The following ANO2 variants were observed in gnomAD, a reference collection of about 807,000 sequenced individuals.
The protein encoded by ANO2 is anoctamin 2, also known as anoctamin-2.
Under a neutral mutation model 124.2 loss-of-function variants are expected in ANO2, and 101 were observed. That is an observed-to-expected ratio of 0.81 (90% CI 0.69 to 0.96). The LOEUF is 0.96. Ranked by LOEUF, ANO2 falls within the 40% of genes least tolerant of loss-of-function variation. The probability of loss-of-function intolerance (pLI) is 0.00; values close to 1 mark genes in which losing one functional copy is unlikely to be tolerated. For synonymous variants in ANO2, 486 were observed against 482.5 expected, an observed-to-expected ratio of 1.01 and a Z score of -0.09; for missense variants, 1,293 against 1,274.5, an observed-to-expected ratio of 1.01 and a Z score of -0.22.
At chr12:5,743,145 G>C (rs75833270) in intron 12 of ANO2, among the ~76,000 whole-genome samples, 1 of 152,034 alleles carries the variant, frequency 6.6e-6, no homozygotes, top group Admixed American at 6.6e-5. Flanking sequence ...AAGAACCACC[G>C]AGAACAGGCC....
chr12:5,759,385 A>G (rs763297479), intron 10 of ANO2, among the ~76,000 whole-genome samples: 2 of 152,052 alleles, frequency 1.3e-5, no homozygotes, highest in African/African-American at 4.8e-5. Context: ...GGCAGAAACT[A>G]TGCAAGCCAA....
intron 20 of ANO2, among the ~76,000 whole-genome samples, chr12:5,595,297 C>A (rs945579253): frequency 2.6e-5 from 4 of 152,134 alleles, no homozygotes; most frequent in Non-Finnish European, 4.4e-5. Flanking sequence ...GACTCCTGGG[C>A]TCAAGCAATC....
In ANO2 at chr12:5,787,284, C is replaced by T. The variant is rs1448425637; in HGVS notation, c.1055+12223G>A. Among the ~76,000 whole-genome samples the T allele has an allele frequency of 6.6e-6, 1 of 152,188 alleles. No homozygotes were observed. Among genetic ancestry groups the T allele is most frequent in the Admixed American group, 6.5e-5 (1 of 15,292 alleles). On this transcript the variant is annotated intron_variant, in intron 10 of 24. Transcript: ENST00000682330. The surrounding 1 kb of genome is among the most constrained non-coding windows in gnomAD (Gnocchi z 4.2). ...TGCCAGCACCACCCACACACAGGCA[C>T]TCACATAAGCCAAACCTTTCAATGA...
At chr12:5,695,265 T>C (rs1428022253) in intron 14 of ANO2, among the ~76,000 whole-genome samples, 3 of 151,740 alleles carry the variant, frequency 2.0e-5, no homozygotes, top group Non-Finnish European at 4.4e-5. Flanking sequence ...TTGAACAACA[T>C]GCCAGATCAG....
Position 5,652,050 on chromosome 12 carries a change from T to A in ANO2, c.1546-4249A>T, listed in dbSNP as rs141606880. ...TTTTGGCAATTATGAATAAAGCCATTGTAAAAGTGGCTGTGCACTGTTTTT... is the reference window on the plus strand; with the variant it reads ...TTTTGGCAATTATGAATAAAGCCATAGTAAAAGTGGCTGTGCACTGTTTTT... On this transcript the variant is annotated intron_variant, in intron 14 of 24. Coordinates refer to ENST00000682330, the MANE Select transcript of ANO2 (RefSeq NM_001364791.2). 5.7e-3 allele frequency among the ~76,000 whole-genome samples: 868 copies of A among 152,352 alleles called. 9 individuals carry two copies. The highest frequency in any genetic ancestry group is 0.02 in the African/African-American group (839 of 41,582).
rs116047502 is a variant in ANO2, at chr12:5,771,810, T to C, written c.1056-20840A>G. On this transcript the variant is annotated intron_variant, in intron 10 of 24. Coordinates refer to ENST00000682330, the MANE Select transcript of ANO2 (RefSeq NM_001364791.2). ...TAAAACAGAATTCTTCATTGAATGGTTTATAAAACCTTGTGACCTCCAAAA... is the reference window on the plus strand; with the variant it reads ...TAAAACAGAATTCTTCATTGAATGGCTTATAAAACCTTGTGACCTCCAAAA... 8.8e-3 allele frequency among the ~76,000 whole-genome samples: 1,337 copies of C among 152,306 alleles called. 21 individuals carry two copies. Among genetic ancestry groups the C allele is most frequent in the African/African-American group, 0.029 (1,196 of 41,554 alleles).
At chr12:5,905,518 C>G (rs920686450) in intron 3 of ANO2, among the ~76,000 whole-genome samples, 2 of 152,126 alleles carry the variant, frequency 1.3e-5, no homozygotes, top group African/African-American at 2.4e-5. Flanking sequence ...AAAGAGAGAG[C>G]AGGTATTCCT....
rs1292438691 is a variant in ANO2 at position 5,732,791 on chromosome 12, C to T, written c.1435-161G>A. The stretch of plus-strand genomic sequence containing the variant: ...ACAATCACAAGGCATCTAGACATCA[C>T]ATCCTAACATAAGAACACAACGTGA... On this transcript the variant is annotated intron_variant, in intron 13 of 24. Coordinates refer to ENST00000682330, the MANE Select transcript of ANO2 (RefSeq NM_001364791.2). 1.9e-6 allele frequency: 3 copies of T among 1,597,022 alleles called. No homozygotes were observed. The East Asian group carries it at 6.7e-5, about 36-fold the overall frequency.
chr12:5,899,060 G>A (rs1331422036), intron 3 of ANO2, among the ~76,000 whole-genome samples: 1 of 152,126 alleles, frequency 6.6e-6, no homozygotes, highest in Non-Finnish European at 1.5e-5. Context: ...CATTAAGATG[G>A]AAGAGACTCC....
intron 10 of ANO2, among the ~76,000 whole-genome samples, chr12:5,771,331 A>C (rs1952074343): frequency 6.6e-6 from 1 of 152,228 alleles, no homozygotes. Context: ...TTCAGACTCA[A>C]AGCTACCTAA....
rs1591660761 is a variant in ANO2, at chr12:5,825,526, T to G, written c.892+2243A>C. The stretch of plus-strand genomic sequence containing the variant: ...TTCTGCTGGCCTAGAGATCTTAGTT[T>G]CAGAGGGAGGAATGCTGCCACCAGG... On this transcript the variant is annotated intron_variant, in intron 7 of 24. Coordinates refer to ENST00000682330, the MANE Select transcript of ANO2 (RefSeq NM_001364791.2). Among the ~76,000 whole-genome samples, 3 of 152,122 alleles carry G rather than the reference T, an allele frequency of 2.0e-5. No homozygotes were observed. The South Asian group carries it at 6.2e-4, about 32-fold the overall frequency.
intron 14 of ANO2, among the ~76,000 whole-genome samples, chr12:5,651,761 A>G (rs1946926177): frequency 6.6e-6 from 1 of 151,964 alleles, no homozygotes; most frequent in Admixed American, 6.6e-5. Context: ...ACCTCCCCCA[A>G]TCCCCAGAAC....
At chr12:5,800,671 C>T (rs1953011791) in intron 9 of ANO2, among the ~76,000 whole-genome samples, 1 of 152,090 alleles carries the variant, frequency 6.6e-6, no homozygotes, top group East Asian at 1.9e-4. Context: ...CATGGTGATG[C>T]CTTTTACTGA....
At chr12:5,866,323 G>A (rs187008068) in intron 3 of ANO2, among the ~76,000 whole-genome samples, 9 of 152,336 alleles carry the variant, frequency 5.9e-5, no homozygotes, top group African/African-American at 2.2e-4. Context: ...GCAGATGGTT[G>A]AGCAGAAAGA....
chr12:5,859,002 C>T (rs971708379), intron 3 of ANO2, among the ~76,000 whole-genome samples: 2 of 152,176 alleles, frequency 1.3e-5, no homozygotes, highest in African/African-American at 4.8e-5. Context: ...CAGTGCATCT[C>T]CAGAATTTGG....
intron 14 of ANO2, among the ~76,000 whole-genome samples, chr12:5,660,154 T>C (rs1171940287): frequency 6.6e-6 from 1 of 152,168 alleles, no homozygotes; most frequent in Non-Finnish European, 1.5e-5. Context: ...TTTCTACTTT[T>C]AATATTTCTG....
intron 14 of ANO2, among the ~76,000 whole-genome samples, chr12:5,682,015 T>C (rs1267415125): frequency 6.6e-6 from 1 of 152,176 alleles, no homozygotes; most frequent in Non-Finnish European, 1.5e-5. Flanking sequence ...ACTTTAAAAA[T>C]GGTACCAGTT....
chr12:5,634,898 C>G (rs912176512), intron 16 of ANO2, among the ~76,000 whole-genome samples: 6 of 130,540 alleles, frequency 4.6e-5, no homozygotes, highest in African/African-American at 1.5e-4. Context: ...TAGTGAGTGC[C>G]CTGTCACATG....
intron 9 of ANO2, 132 bp from the exon 10 acceptor site, chr12:5,799,703 G>T: frequency 1.3e-6 from 1 of 784,630 alleles, no homozygotes; most frequent in Admixed American, 2.2e-5. Flanking sequence ...ACATCCAGGG[G>T]GAGATGTTCA....
Sources: gnomAD v4.1 joint callset for allele counts (sites outside exome capture counted in the v4.1 genomes callset) on GRCh38, gnomAD v4.1.1 for gene constraint, Gnocchi (gnomAD v3.1) non-coding constraint, MANE v1.5 for transcripts, NCBI Gene and HGNC (gene_info 2026-07-23, HGNC 2026-07-21) for gene names.